The following PRDM15 variants were observed in gnomAD, a reference collection of about 807,000 sequenced individuals.
PRDM15 encodes the protein PR domain zinc finger protein 15.
In PRDM15, 64 loss-of-function variants were observed where a neutral mutation model predicts 128.6. The observed-to-expected ratio is 0.50, with a 90% confidence interval of 0.41 to 0.61. The LOEUF (loss-of-function observed/expected upper bound fraction) is 0.61. PRDM15 is among the 20% of genes least tolerant of loss of function. PRDM15 has a pLI of 0.00. For synonymous variants in PRDM15, 615 were observed against 621.8 expected (o/e 0.99, Z 0.16); for missense variants, 1,242 against 1,569.1 (o/e 0.79, Z 3.52).
At chr21:41,841,076 CAG>C (rs1286132314) in intron 6 of PRDM15, among the ~76,000 whole-genome samples, 1 of 151,994 alleles carries the variant, frequency 6.6e-6, no homozygotes, top group Non-Finnish European at 1.5e-5. Flanking sequence ...CAATAGGACA[CAG>C]AGAAAATAGG....
intron 23 of PRDM15, among the ~76,000 whole-genome samples, 166 bp downstream of exon 23, chr21:41,802,546 C>T (rs1398071427): frequency 6.6e-6 from 1 of 152,216 alleles, no homozygotes; most frequent in African/African-American, 2.4e-5. Flanking sequence ...GAAATGCTTA[C>T]ATGAAACATG....
chr21:41,842,120 A>G (rs547415374), intron 6 of PRDM15, among the ~76,000 whole-genome samples: 1 of 152,374 alleles, frequency 6.6e-6, no homozygotes, highest in South Asian at 2.1e-4. Context: ...TACAATAAAA[A>G]GGATCAACAA....
At chr21:41,816,232 C>T (rs1349678791) in intron 18 of PRDM15, among the ~76,000 whole-genome samples, 12 of 152,098 alleles carry the variant, frequency 7.9e-5, no homozygotes, top group African/African-American at 2.2e-4. Context: ...GGGATTCGGA[C>T]GCGAGATGGT....
At chr21:41,850,199 A>G (rs576898044) in intron 5 of PRDM15, among the ~76,000 whole-genome samples, 7 of 152,328 alleles carry the variant, frequency 4.6e-5, no homozygotes, top group East Asian at 1.9e-4. Context: ...TTCTTCAAGC[A>G]GCGGATTCTC....
chr21:41,868,272 T>G (rs1034170851), intron 1 of PRDM15, among the ~76,000 whole-genome samples: 3 of 152,262 alleles, frequency 2.0e-5, no homozygotes, highest in African/African-American at 7.2e-5. Context: ...CACGGGGCTG[T>G]TACAAATAAA....
rs780443036 is a variant in PRDM15, at chr21:41,857,249, T to C, written c.212A>G (p.Lys71Arg). The change falls in exon 4 of 24, where the codon AAG becomes AGG. Residue 71 changes from lysine to arginine, a missense_variant. Coordinates refer to ENST00000398548, the MANE Select transcript of PRDM15 (RefSeq NM_001040424.3). Reference sequence around the variant, plus strand: ...CTCAAAGGGACCGAACTGTGTCCGCTTGACGAGCTGAGTGATGGCGAACAC... The same window carrying C: ...CTCAAAGGGACCGAACTGTGTCCGCCTGACGAGCTGAGTGATGGCGAACAC... ...EGVFAITQLV[K>R]RTQFGPFESR... 6.1e-5 allele frequency: 98 copies of C among 1,613,820 alleles called. No homozygotes were observed. The highest frequency in any genetic ancestry group is 8.0e-5 in the Non-Finnish European group (94 of 1,179,988).
intron 21 of PRDM15, among the ~76,000 whole-genome samples, chr21:41,809,830 G>A (rs532651462): frequency 3.3e-5 from 5 of 152,298 alleles, no homozygotes; most frequent in African/African-American, 1.2e-4. Context: ...CCAACACCAC[G>A]TGGAGCCCCC....
At chr21:41,851,449 A>C (rs1174781196) in intron 5 of PRDM15, among the ~76,000 whole-genome samples, 1 of 152,232 alleles carries the variant, frequency 6.6e-6, no homozygotes, top group East Asian at 1.9e-4. Flanking sequence ...TTGGGCGGGC[A>C]GGGCTCTAGA....
In PRDM15 at chr21:41,835,463, G is replaced by A. The variant is rs771020585; in HGVS notation, c.1340C>T (p.Ala447Val). ...TCEKTFRIES[A>V]LEFHNCRTDD... ...TGTCCTGCAGTTGTGGAACTCCAGC[G>A]CGCTCTCGATGCGGAAGGTCTTCTC... The change falls in exon 11 of 24, where the codon GCG becomes GTG. Residue 447 changes from alanine to valine, a missense_variant. By Grantham distance (64) the Ala-to-Val change is moderately conservative. Transcript: ENST00000398548. The A allele has an allele frequency of 2.1e-5, 34 of 1,609,794 alleles. No individual in the cohort carries two copies. Among genetic ancestry groups the A allele is most frequent in the East Asian group, 4.5e-5 (2 of 44,862 alleles).
chr21:41,859,212 C>T lies in PRDM15; in HGVS notation c.131+380G>A, dbSNP rs761730733. ...TGCCCCGCCTGGGTGTGCACGTGTC[C>T]GCTGGCAGGCCAAGACCTGGAATGC... is the stretch of plus-strand genomic sequence containing the variant. On this transcript the variant is annotated intron_variant, in intron 3 of 23. Coordinates refer to ENST00000398548, the MANE Select transcript of PRDM15 (RefSeq NM_001040424.3). This position sits in a 1 kb window ranked among gnomAD's most constrained non-coding sequence, Gnocchi z 5.3. 3.4e-5 allele frequency: 55 copies of T among 1,613,804 alleles called. 1 individual carries two copies. Among genetic ancestry groups the T allele is most frequent in the Middle Eastern group, 3.3e-4 (2 of 6,054 alleles).
rs557865903 is a variant in PRDM15 at position 41,864,408 on chromosome 21, C to T, written c.-9-4036G>A. On this transcript the variant is annotated intron_variant, in intron 1 of 23. Transcript: ENST00000398548. ...CAGTTTTTAGGCTTGTCACCAAAAA[C>T]ACAATCTATAAAAGGAAAATCATTT... 3.3e-5 allele frequency among the ~76,000 whole-genome samples: 5 copies of T among 152,264 alleles called. No homozygotes were observed. In the East Asian group the frequency reaches 9.6e-4, roughly 29 times the overall value.
At chr21:41,824,959 G>A (rs896710142) in intron 13 of PRDM15, among the ~76,000 whole-genome samples, 6 of 152,278 alleles carry the variant, frequency 3.9e-5, no homozygotes, top group Non-Finnish European at 8.8e-5. Flanking sequence ...GCTCCCAGCT[G>A]CTGAAACGCT....
chr21:41,867,555 T>C (rs2064056309), intron 1 of PRDM15, among the ~76,000 whole-genome samples: 1 of 152,180 alleles, frequency 6.6e-6, no homozygotes, highest in Admixed American at 6.5e-5. Flanking sequence ...GCGACCCTCC[T>C]GCCGCAGCCT....
At chr21:41,868,423 G>C (rs911358985) in intron 1 of PRDM15, among the ~76,000 whole-genome samples, 2 of 152,104 alleles carry the variant, frequency 1.3e-5, no homozygotes, top group African/African-American at 4.8e-5. Flanking sequence ...GTTTTCCAGA[G>C]AGGCTGCAGC....
intron 4 of PRDM15, among the ~76,000 whole-genome samples, chr21:41,856,947 T>A (rs1383102223): frequency 6.6e-6 from 1 of 152,266 alleles, no homozygotes; most frequent in Non-Finnish European, 1.5e-5. Context: ...TTAAACACAC[T>A]CTTTAGTGTT....
rs2061383297 is a variant in PRDM15 at position 41,800,184 on chromosome 21, C to T, written c.*1056G>A. 2 of 152,356 alleles carry T rather than the reference C, an allele frequency of 1.3e-5. No homozygotes were observed. Among genetic ancestry groups the T allele is most frequent in the East Asian group, 1.9e-4 (1 of 5,186 alleles). The allele number at this position is 152,356 out of a possible 1,614,324, so 9.4% of individuals were successfully genotyped here. A position where few individuals can be genotyped will look rare whatever the true frequency, so the allele number is the denominator to read the frequency against. ...AAAACTGGTCATGAAATACACCAAC[C>T]TTTGGAATTGAAGTTTAAACAGAAG... is the stretch of plus-strand genomic sequence containing the variant. On this transcript the variant is annotated 3_prime_UTR_variant, in exon 24 of 24. Transcript: ENST00000398548.
rs1393830925 is a variant in PRDM15 at position 41,821,779 on chromosome 21, G to A, written c.1896+124C>T. The A allele has an allele frequency of 3.3e-6, 4 of 1,222,616 alleles. No homozygotes were observed. In the East Asian group the frequency reaches 7.0e-5, roughly 21 times the overall value. The allele number at this position is 1,222,616 out of a possible 1,614,324, so 75.7% of individuals were successfully genotyped here. ...GTCTGCAGTAGGACCACTGGCCGGAGCCTTTGGGGAGGGAGGGCTGCTTCC... is the reference window on the plus strand; with the variant it reads ...GTCTGCAGTAGGACCACTGGCCGGAACCTTTGGGGAGGGAGGGCTGCTTCC... On this transcript the variant is annotated intron_variant, in intron 15 of 23. Coordinates refer to ENST00000398548, the MANE Select transcript of PRDM15 (RefSeq NM_001040424.3). This position sits in a 1 kb window ranked among gnomAD's most constrained non-coding sequence, Gnocchi z 5.4.
Position 41,879,090 on chromosome 21 carries a change from G to T in PRDM15, c.-10+180C>A. 1 of 1,128,586 alleles carries T rather than the reference G, an allele frequency of 8.9e-7. No individual in the cohort carries two copies. The highest frequency in any genetic ancestry group is 1.1e-6 in the Non-Finnish European group (1 of 896,328). 69.9% of individuals were successfully genotyped at this position (1,128,586 alleles called of 1,614,324 possible). On this transcript the variant is annotated intron_variant, in intron 1 of 23. Transcript: ENST00000398548. The surrounding 1 kb of genome is among the most constrained non-coding windows in gnomAD (Gnocchi z 5.1). ...ATCGCCAACGGTGCCCGCAGCCGGC[G>T]AATGTAACAAAGAACAGTCGGCATG...
chr21:41,833,840 C>T (rs941497931), intron 11 of PRDM15, among the ~76,000 whole-genome samples: 2 of 152,198 alleles, frequency 1.3e-5, no homozygotes, highest in African/African-American at 4.8e-5. Flanking sequence ...TATCAGAGGG[C>T]AATGCCTCTT....
Sources: allele counts gnomAD v4.1 joint callset (sites outside exome capture counted in the v4.1 genomes callset), GRCh38; gene constraint gnomAD v4.1.1; non-coding constraint Gnocchi (gnomAD v3.1); transcripts MANE v1.5; gene names NCBI Gene and HGNC (gene_info 2026-07-23, HGNC 2026-07-21).